ZFHX3: variants seen among roughly 807,000 people sequenced by gnomAD.
ZFHX3 encodes zinc finger homeobox protein 3.
In ZFHX3, 42 loss-of-function variants were observed where a neutral mutation model predicts 279.1. The ratio of observed to expected loss-of-function variants is 0.15; its 90% CI spans 0.12 to 0.19. The LOEUF is 0.19. Ranked by LOEUF, ZFHX3 falls within the 10% of genes least tolerant of loss-of-function variation. ZFHX3 has a pLI of 1.00. For missense variants in ZFHX3, 4,981 were observed against 4,754.0 expected, an observed-to-expected ratio of 1.05 and a Z score of -1.40; for synonymous variants, 2,293 against 1,957.8, an observed-to-expected ratio of 1.17 and a Z score of -4.52.
chr16:73,490,270 G>A (rs1426520776), intron 2 of ZFHX3, among the ~76,000 whole-genome samples: 3 of 152,176 alleles, frequency 2.0e-5, no homozygotes, highest in Non-Finnish European at 4.4e-5. Flanking sequence ...ACTAACTCCA[G>A]TATTTCCACT....
chr16:73,811,046 G>C (rs1179356521), intron 1 of ZFHX3, among the ~76,000 whole-genome samples: 2 of 151,956 alleles, frequency 1.3e-5, no homozygotes, highest in East Asian at 3.9e-4. Flanking sequence ...GCACACTAAG[G>C]AACTTTAAAA....
chr16:73,534,952 C>T (rs550138106), intron 2 of ZFHX3, among the ~76,000 whole-genome samples: 24 of 152,038 alleles, frequency 1.6e-4, no homozygotes, highest in Non-Finnish European at 3.1e-4. Context: ...GCCCTTTTCA[C>T]GGGGAGAGGA....
intron 1 of ZFHX3, among the ~76,000 whole-genome samples, chr16:73,032,188 T>TC (rs1278645139): frequency 2.0e-5 from 3 of 152,034 alleles, no homozygotes; most frequent in Admixed American, 6.6e-5. Context: ...TCCGAGCTAC[T>TC]CGGGTTGCGG....
At chr16:73,171,976 T>C (rs546139759) in intron 5 of ZFHX3, among the ~76,000 whole-genome samples, 1 of 152,252 alleles carries the variant, frequency 6.6e-6, no homozygotes, top group South Asian at 2.1e-4. Flanking sequence ...AATGATTATG[T>C]ATCAATAAAA....
intron 3 of ZFHX3, among the ~76,000 whole-genome samples, chr16:72,918,014 G>A (rs963519194): frequency 8.1e-6 from 1 of 123,570 alleles, no homozygotes; most frequent in African/African-American, 3.6e-5. Context: ...CCCAGGTTGA[G>A]GGGACAAGGA....
rs549643597 is a variant in ZFHX3 at position 73,838,730 on chromosome 16, CTGTG to C, written c.-1608+52917_-1608+52920del. 3.3e-3 allele frequency among the ~76,000 whole-genome samples: 504 copies of C among 151,136 alleles called. 2 individuals carry two copies. Among genetic ancestry groups the C allele is most frequent in the African/African-American group, 0.012 (478 of 40,962 alleles). On this transcript the variant is annotated intron_variant, in intron 1 of 17. Coordinates refer to the ZFHX3 transcript ENST00000641206. The stretch of plus-strand genomic sequence containing the variant: ...GTGAGGTTCTGCAAGTCAACTGCTA[CTGTG>C]TGTGTGTGCGCACATGCGTGTGTGT...
chr16:73,885,465 A>G (rs1182981799), intron 1 of ZFHX3, among the ~76,000 whole-genome samples: 1 of 152,216 alleles, frequency 6.6e-6, no homozygotes, highest in African/African-American at 2.4e-5. Context: ...AGAAGTATCA[A>G]AATGAGCCTT....
intron 1 of ZFHX3, among the ~76,000 whole-genome samples, chr16:73,014,675 C>A (rs931671291): frequency 6.6e-6 from 1 of 151,304 alleles, no homozygotes; most frequent in Non-Finnish European, 1.5e-5. Context: ...TACAGGCAGG[C>A]ACCACCATGC....
intron 2 of ZFHX3, chr16:73,487,385 TCA>T: frequency 2.4e-6 from 1 of 409,178 alleles, no homozygotes; most frequent in South Asian, 1.9e-5. Context: ...GTCCAATAAA[TCA>T]CACCTCTCTG....
intron 2 of ZFHX3, among the ~76,000 whole-genome samples, chr16:73,521,017 C>T (rs1362659775): frequency 6.6e-6 from 1 of 152,160 alleles, no homozygotes; most frequent in Admixed American, 6.5e-5. Context: ...TTCAGAATTC[C>T]AGAATCCTGG....
chr16:73,710,201 T>G (rs2053345053), intron 1 of ZFHX3, among the ~76,000 whole-genome samples: 1 of 152,032 alleles, frequency 6.6e-6, no homozygotes. Context: ...AACAAAACAA[T>G]TAAGAAATAA....
chr16:72,834,130 G>A (rs551514311), intron 4 of ZFHX3, among the ~76,000 whole-genome samples: 10 of 152,198 alleles, frequency 6.6e-5, no homozygotes, highest in South Asian at 4.2e-4. Context: ...GCTTGTAGTC[G>A]TAGCTAACTT....
At chr16:73,194,386 G>A (rs1968101601) in intron 5 of ZFHX3, among the ~76,000 whole-genome samples, 1 of 152,066 alleles carries the variant, frequency 6.6e-6, no homozygotes, top group African/African-American at 2.4e-5. Context: ...TTTCAGTACA[G>A]ATGGGGTTTC....
chr16:73,193,498 G>A (rs1422785753), intron 5 of ZFHX3, among the ~76,000 whole-genome samples: 1 of 152,198 alleles, frequency 6.6e-6, no homozygotes, highest in Non-Finnish European at 1.5e-5. Flanking sequence ...CATGTTGACA[G>A]TTTGCTGGGA....
chr16:72,995,522 C>G (rs762372924), intron 1 of ZFHX3, among the ~76,000 whole-genome samples: 18 of 152,218 alleles, frequency 1.2e-4, no homozygotes, highest in Non-Finnish European at 2.2e-4. Context: ...CCTCCGATCA[C>G]AACTACAACT....
intron 1 of ZFHX3, among the ~76,000 whole-genome samples, chr16:73,756,727 C>G (rs1203555104): frequency 6.7e-6 from 1 of 149,726 alleles, no homozygotes; most frequent in Non-Finnish European, 1.5e-5. Flanking sequence ...CCCTGCCCCA[C>G]CCCCGCTCCT....
At chr16:73,453,528 A>T (rs975242448) in intron 3 of ZFHX3, among the ~76,000 whole-genome samples, 7 of 152,316 alleles carry the variant, frequency 4.6e-5, no homozygotes, top group African/African-American at 1.4e-4. Flanking sequence ...ACAGAGTGTA[A>T]CACTAGCCAC....
intron 5 of ZFHX3, among the ~76,000 whole-genome samples, chr16:72,820,722 G>A (rs1046536070): frequency 8.5e-5 from 13 of 152,154 alleles, no homozygotes; most frequent in African/African-American, 4.8e-5. Context: ...ACAGTCCAGG[G>A]ACACACTAGG....
intron 1 of ZFHX3, chr16:73,796,414 C>G (rs1959990070): frequency 1.3e-5 from 2 of 152,174 alleles, no homozygotes; most frequent in African/African-American, 4.8e-5. Context: ...GCCCATCATC[C>G]AAGGAAAACA....
Sources: allele counts gnomAD v4.1 joint callset (sites outside exome capture counted in the v4.1 genomes callset), GRCh38; gene constraint gnomAD v4.1.1; transcripts MANE v1.5; gene names NCBI Gene and HGNC (gene_info 2026-07-23, HGNC 2026-07-21).